Variants in SI observed in about 807,000 individuals in gnomAD.
SI encodes sucrase-isomaltase, intestinal.
A neutral mutation model predicts 253.3 loss-of-function variants in SI; 235 were observed. The ratio of observed to expected loss-of-function variants is 0.93; its 90% CI spans 0.83 to 1.03. The LOEUF is 1.03. SI is among the 50% of genes least tolerant of loss of function. SI has a pLI of 0.00. For missense variants in SI, 2,442 were observed against 2,211.1 expected (o/e 1.10, Z -2.09); for synonymous variants, 819 against 712.0 (o/e 1.15, Z -2.39).
In SI at chr3:165,017,607, C is replaced by A; in HGVS notation, c.3700G>T (p.Ala1234Ser). 6.2e-7 allele frequency: 1 copy of A among 1,612,562 alleles called. No individual in the cohort carries two copies. Among genetic ancestry groups the A allele is most frequent in the South Asian group, 1.1e-5 (1 of 91,064 alleles). ...LGFQLCRYGY[A>S]NTSEVRELYD... is the part of the protein sequence containing the mutation. The stretch of plus-strand genomic sequence containing the variant: ...AATTCCCGAACCTCTGAAGTATTTG[C>A]ATATCCATAACGACATAATTGGAAT... Residue 1234 changes from alanine to serine, a missense_variant, in exon 31 of 48, where the codon GCA (alanine) becomes TCA (serine). Ala to Ser is a moderately conservative substitution (Grantham distance 99). Coordinates refer to ENST00000264382, the MANE Select transcript of SI (RefSeq NM_001041.4).
At chr3:165,023,055 A>T (rs1236772661) in intron 26 of SI, among the ~76,000 whole-genome samples, 1 of 151,578 alleles carries the variant, frequency 6.6e-6, no homozygotes, top group Non-Finnish European at 1.5e-5. Context: ...AATAATACAC[A>T]AGAAAATATC....
chr3:165,003,866 TAAG>T (rs980080514), intron 37 of SI, among the ~76,000 whole-genome samples: 12 of 151,110 alleles, frequency 7.9e-5, no homozygotes, highest in African/African-American at 2.4e-4. Context: ...AAAAGGGAAA[TAAG>T]AAGAAATGAA....
At chr3:165,018,762 A>G (rs1719164695) in intron 28 of SI, among the ~76,000 whole-genome samples, 1 of 151,566 alleles carries the variant, frequency 6.6e-6, no homozygotes, top group Non-Finnish European at 1.5e-5. Flanking sequence ...GTCTAATAAT[A>G]TCGGTACAAA....
At chr3:165,032,470 A>G in intron 24 of SI, 52 bp downstream of exon 24, 1 of 1,222,324 alleles carries the variant, frequency 8.2e-7, no homozygotes. Context: ...GTTATATAAT[A>G]TTAAATATGA....
At chr3:165,029,749 C>T (rs186334634) in intron 25 of SI, among the ~76,000 whole-genome samples, 2 of 149,904 alleles carry the variant, frequency 1.3e-5, no homozygotes, top group Non-Finnish European at 3.0e-5. Flanking sequence ...CCTTTATATT[C>T]GTTTTGATAA....
At chr3:165,033,365 T>C in intron 23 of SI, 30 bp downstream of exon 23, 1 of 1,529,000 alleles carries the variant, frequency 6.5e-7, no homozygotes. Flanking sequence ...AAATTATGCA[T>C]TTAAGTATAT....
intron 22 of SI, 127 bp downstream of exon 22, chr3:165,036,262 G>T (rs1712522769): frequency 1.5e-6 from 1 of 687,288 alleles, no homozygotes; most frequent in Admixed American, 2.4e-5. Context: ...GCCTGAAACA[G>T]ATAAAAAACA....
At chr3:165,018,666 A>G (rs1719159481) in intron 28 of SI, among the ~76,000 whole-genome samples, 1 of 151,328 alleles carries the variant, frequency 6.6e-6, no homozygotes, top group African/African-American at 2.4e-5. Flanking sequence ...TTACCAGTGA[A>G]ATAGATTTTA....
chr3:165,078,333 C>G (rs1715136803), intron 1 of SI, 100 bp downstream of exon 1: 1 of 151,718 alleles, frequency 6.6e-6, no homozygotes, highest in Non-Finnish European at 1.5e-5. Flanking sequence ...CTATTTTAGC[C>G]TAGTGCAGAT....
intron 25 of SI, among the ~76,000 whole-genome samples, chr3:165,026,907 A>G (rs1424107910): frequency 6.6e-6 from 1 of 151,506 alleles, no homozygotes; most frequent in Non-Finnish European, 1.5e-5. Context: ...GTCACACTTC[A>G]AGGAACTAGA....
At chr3:165,027,751 T>C (rs1227054108) in intron 25 of SI, among the ~76,000 whole-genome samples, 1 of 149,908 alleles carries the variant, frequency 6.7e-6, no homozygotes, top group African/African-American at 2.4e-5. Context: ...ATTTTAAACA[T>C]CCAGCATTCA....
chr3:165,075,466 C>CCT (rs1342532113), intron 2 of SI, among the ~76,000 whole-genome samples: 1 of 151,768 alleles, frequency 6.6e-6, no homozygotes, highest in African/African-American at 2.4e-5. Flanking sequence ...TCTCATACAA[C>CCT]CTCTCTCTCT....
chr3:165,036,890 A>G (rs1193014257), intron 21 of SI, among the ~76,000 whole-genome samples: 2 of 151,920 alleles, frequency 1.3e-5, no homozygotes, highest in Non-Finnish European at 2.9e-5. Flanking sequence ...TAAAATTTAA[A>G]AAAAGTTTAG....
At chr3:165,051,170 T>G (rs1477591848) in intron 13 of SI, among the ~76,000 whole-genome samples, 3 of 152,066 alleles carry the variant, frequency 2.0e-5, no homozygotes, top group Non-Finnish European at 2.9e-5. Flanking sequence ...CCAAGCACAC[T>G]CAATATGATT....
At chr3:165,064,691 C>G (rs1423639250) in intron 7 of SI, among the ~76,000 whole-genome samples, 3 of 151,890 alleles carry the variant, frequency 2.0e-5, no homozygotes, top group African/African-American at 7.2e-5. Flanking sequence ...AAAGACTAAG[C>G]CCTTATGGGA....
At chr3:164,983,293 G>A (rs925978210) in intron 45 of SI, among the ~76,000 whole-genome samples, 9 of 152,058 alleles carry the variant, frequency 5.9e-5, no homozygotes, top group African/African-American at 2.4e-5. Flanking sequence ...TGTGTGTAGG[G>A]GTAATGATAA....
Position 165,034,833 on chromosome 3 carries a change from A to T in SI, c.2516-1389T>A, listed in dbSNP as rs918256173. Among the ~76,000 whole-genome samples the T allele has an allele frequency of 2.6e-5, 4 of 152,044 alleles. No individual in the cohort carries two copies. In the Admixed American group the frequency reaches 2.6e-4, roughly 10 times the overall value. ...GAAGGTTTTGAGAAGAGATGCAATTACTGGAATCACCTTTTAAAATGATTA... is the reference window on the plus strand; with the variant it reads ...GAAGGTTTTGAGAAGAGATGCAATTTCTGGAATCACCTTTTAAAATGATTA... On this transcript the variant is annotated intron_variant, in intron 22 of 47. Transcript: ENST00000264382.
chr3:165,057,213 G>T (rs1379578649), intron 12 of SI, among the ~76,000 whole-genome samples: 1 of 151,778 alleles, frequency 6.6e-6, no homozygotes, highest in Non-Finnish European at 1.5e-5. Flanking sequence ...ATGCATCAGA[G>T]TCTTTTAATA....
chr3:164,993,915 A>G (rs1717892354), intron 41 of SI, among the ~76,000 whole-genome samples: 1 of 151,674 alleles, frequency 6.6e-6, no homozygotes, highest in South Asian at 2.1e-4. Context: ...GATTAATTAA[A>G]TCATGAGGGG....
Sources: allele counts gnomAD v4.1 joint callset (sites outside exome capture counted in the v4.1 genomes callset), GRCh38; gene constraint gnomAD v4.1.1; transcripts MANE v1.5; gene names NCBI Gene and HGNC (gene_info 2026-07-23, HGNC 2026-07-21).